The following SNX29 variants were observed in gnomAD, a reference collection of about 807,000 sequenced individuals.
SNX29 encodes sorting nexin 29.
Under a neutral mutation model 102.1 loss-of-function variants are expected in SNX29, and 78 were observed. The observed-to-expected ratio is 0.76, with a 90% CI of 0.64 to 0.92. The LOEUF (loss-of-function observed/expected upper bound fraction) is 0.92. Among genes scored for constraint, SNX29 ranks in the 40% least tolerant of loss-of-function variants. The pLI is 0.00. For synonymous variants in SNX29, 580 were observed against 414.5 expected (o/e 1.40, Z -4.85); for missense variants, 1,280 against 1,061.7 (o/e 1.21, Z -2.86).
chr16:12,492,688 A>G (rs1288923860), intron 19 of SNX29, among the ~76,000 whole-genome samples: 3 of 152,300 alleles, frequency 2.0e-5, no homozygotes, highest in South Asian at 2.1e-4. Flanking sequence ...TCTTTAATGC[A>G]TCTTGAATTA....
chr16:12,163,204 T>C (rs974496848), intron 13 of SNX29, among the ~76,000 whole-genome samples: 1 of 152,168 alleles, frequency 6.6e-6, no homozygotes, highest in Non-Finnish European at 1.5e-5. Flanking sequence ...TGATGGTAGA[T>C]AGGAATGTCC....
At chr16:12,178,488 G>A (rs2076311012) in intron 13 of SNX29, among the ~76,000 whole-genome samples, 1 of 152,196 alleles carries the variant, frequency 6.6e-6, no homozygotes, top group East Asian at 1.9e-4. Flanking sequence ...CCTGGCTTTT[G>A]TCTTCTGTTG....
intron 14 of SNX29, among the ~76,000 whole-genome samples, chr16:12,258,040 C>T (rs1035939241): frequency 2.6e-5 from 4 of 152,198 alleles, no homozygotes; most frequent in Non-Finnish European, 4.4e-5. Flanking sequence ...GCTATTGTAG[C>T]TCTGAGCTGG....
intron 18 of SNX29, among the ~76,000 whole-genome samples, chr16:12,448,606 C>T (rs964585860): frequency 6.6e-6 from 1 of 152,056 alleles, no homozygotes; most frequent in African/African-American, 2.4e-5. Context: ...GAGAAAAGAG[C>T]AGATGACTTC....
rs987362889 is a variant in SNX29, at chr16:12,346,858, T to C, written c.1783-9305T>C. Among the ~76,000 whole-genome samples, 10 of 152,266 alleles carry C rather than the reference T, an allele frequency of 6.6e-5. 1 individual carries two copies. The highest frequency in any genetic ancestry group is 2.4e-4 in the African/African-American group (10 of 41,564). On this transcript the variant is annotated intron_variant, in intron 15 of 20. Transcript: ENST00000566228. ...CAGGGGGGTAGCAGCTGCTGCTCTA[T>C]GAAGCCTCCCTCCCTGGCTTGCCTG...
chr16:12,040,637 A>T (rs746849444), intron 4 of SNX29, among the ~76,000 whole-genome samples: 9 of 152,216 alleles, frequency 5.9e-5, no homozygotes, highest in Non-Finnish European at 1.2e-4. Context: ...GTACAGAGGG[A>T]AAGTTGGCCA....
intron 16 of SNX29, 63 bp downstream of exon 16, chr16:12,356,342 G>C (rs1288812732): frequency 3.5e-6 from 5 of 1,447,232 alleles, no homozygotes; most frequent in Non-Finnish European, 4.7e-6. Context: ...CAGTAGAAAA[G>C]CACAGAGACT....
intron 19 of SNX29, among the ~76,000 whole-genome samples, chr16:12,517,489 G>C (rs2089916823): frequency 6.6e-6 from 1 of 152,196 alleles, no homozygotes; most frequent in Non-Finnish European, 1.5e-5. Context: ...CACCACCAGG[G>C]ATCTTTGTTC....
rs555549596 is a variant in SNX29 at position 12,558,254 on chromosome 16, A to G, written c.2319-10252A>G. 9.9e-5 allele frequency among the ~76,000 whole-genome samples: 15 copies of G among 152,130 alleles called. No homozygotes were observed. In the South Asian group the frequency reaches 3.1e-3, roughly 32 times the overall value. On this transcript the variant is annotated intron_variant, in intron 20 of 20. Coordinates refer to ENST00000566228, the MANE Select transcript of SNX29 (RefSeq NM_032167.5). ...CAGCCCCCCCAGTAGATGGTATCTGAGGTCTTCTGAAATGTCAGGCTGAGC... is the reference window on the plus strand; with the variant it reads ...CAGCCCCCCCAGTAGATGGTATCTGGGGTCTTCTGAAATGTCAGGCTGAGC...
chr16:12,146,445 T>C lies in SNX29; in HGVS notation c.1595+16687T>C, dbSNP rs192134719. Among the ~76,000 whole-genome samples, 661 of 152,194 alleles carry C rather than the reference T, an allele frequency of 4.3e-3. 4 individuals are homozygous for C. The highest frequency in any genetic ancestry group is 7.1e-3 in the Non-Finnish European group (485 of 68,010). On this transcript the variant is annotated intron_variant, in intron 13 of 20. Transcript: ENST00000566228. The stretch of plus-strand genomic sequence containing the variant: ...CATGCCCAGCTAATTTTTGTATTTT[T>C]AATAGAGATGGGGTTTTGCCATGTT...
chr16:11,994,446 G>A (rs187052410), intron 1 of SNX29, among the ~76,000 whole-genome samples: 4 of 152,314 alleles, frequency 2.6e-5, no homozygotes, highest in East Asian at 3.9e-4. Context: ...TTTGCACTGG[G>A]CCACTGCTGC....
chr16:12,564,069 A>G lies in SNX29; in HGVS notation c.2319-4437A>G, dbSNP rs536909963. On this transcript the variant is annotated intron_variant, in intron 20 of 20. Transcript: ENST00000566228. ...GGTTGTGGTTTGGCAACGATGCTGT[A>G]TTTTGGGAGTTTGTAATATCTTTGT... Among the ~76,000 whole-genome samples the G allele has an allele frequency of 5.4e-4, 82 of 152,234 alleles. 1 individual carries two copies. In the South Asian group the frequency reaches 0.016, roughly 30 times the overall value.
In SNX29 at chr16:12,524,753, A is replaced by C. The variant is rs543156294; in HGVS notation, c.2230A>C (p.Ser744Arg). The C allele has an allele frequency of 1.9e-6, 3 of 1,613,796 alleles. No homozygotes were observed. The highest frequency in any genetic ancestry group is 2.5e-6 in the Non-Finnish European group (3 of 1,179,834). Residue 744 changes from serine to arginine, a missense_variant, in exon 20 of 21, where the codon AGC becomes CGC. By Grantham distance (110) the Ser-to-Arg change is moderately radical (BLOSUM62 -1). Transcript: ENST00000566228. ...AAAGCAGCTCCAGAATTACCTGCGC[A>C]GCGTCATGAACAAAGTCATCCAGAT... ...RRKQLQNYLR[S>R]VMNKVIQMVP...
chr16:12,367,775 A>G (rs557611002), intron 16 of SNX29, among the ~76,000 whole-genome samples: 3 of 152,350 alleles, frequency 2.0e-5, no homozygotes, highest in African/African-American at 7.2e-5. Flanking sequence ...GAGGCTTTTT[A>G]ACTCAGCGCT....
chr16:12,197,152 G>T (rs2076796453), intron 13 of SNX29, among the ~76,000 whole-genome samples: 2 of 152,150 alleles, frequency 1.3e-5, no homozygotes, highest in African/African-American at 2.4e-5. Flanking sequence ...ATGAACTGTT[G>T]TTTAGAAATG....
chr16:12,549,480 A>G (rs922901146), intron 20 of SNX29, among the ~76,000 whole-genome samples: 1 of 134,290 alleles, frequency 7.4e-6, no homozygotes, highest in African/African-American at 3.1e-5. Flanking sequence ...GGGCAACAGG[A>G]AGATCCTCAC....
chr16:12,337,062 C>G (rs868762169), intron 15 of SNX29, among the ~76,000 whole-genome samples: 3 of 152,196 alleles, frequency 2.0e-5, no homozygotes, highest in African/African-American at 7.2e-5. Context: ...TCAGTTTGAT[C>G]TTAACCATCT....
At position 12,317,329 on chromosome 16, in the gene SNX29, C is replaced by T. The variant is rs139998967; in HGVS notation, c.1783-38834C>T. On this transcript the variant is annotated intron_variant, in intron 15 of 20. Transcript: ENST00000566228. ...CTCAGTCTGAACAGGTGGCTCCCCT[C>T]GTCTTCCCCCTGGCTTCTGTGTGTC... Among the ~76,000 whole-genome samples, 1,402 of 152,312 alleles carry T rather than the reference C, an allele frequency of 9.2e-3. 21 individuals are homozygous for T. Among genetic ancestry groups the T allele is most frequent in the African/African-American group, 0.028 (1,173 of 41,568 alleles).
intron 15 of SNX29, among the ~76,000 whole-genome samples, chr16:12,349,541 C>T (rs1337667879): frequency 1.3e-5 from 2 of 152,198 alleles, no homozygotes; most frequent in African/African-American, 4.8e-5. Flanking sequence ...AGGAAATGCT[C>T]ATTGGAGCAT....
Sources: allele counts gnomAD v4.1 joint callset (sites outside exome capture counted in the v4.1 genomes callset), GRCh38; gene constraint gnomAD v4.1.1; transcripts MANE v1.5; gene names NCBI Gene and HGNC (gene_info 2026-07-23, HGNC 2026-07-21).